Variants in PRKAR1A observed in about 807,000 individuals in gnomAD.
PRKAR1A encodes the protein cAMP-dependent protein kinase type I-alpha regulatory subunit.
Under a neutral mutation model 52.0 loss-of-function variants are expected in PRKAR1A, and 3 were observed. That is an observed-to-expected ratio of 0.06 (90% CI 0.03 to 0.15). The LOEUF is 0.15. PRKAR1A is among the 10% of genes least tolerant of loss of function. The pLI is 1.00. For synonymous variants in PRKAR1A, 188 were observed against 168.4 expected (o/e 1.12, Z -0.90); for missense variants, 240 against 477.4 (o/e 0.50, Z 4.63).
the PRKAR1A span, among the ~76,000 whole-genome samples, chr17:68,486,386 CTCTTTCTTTCTTTCTT>C: frequency 3.8e-4 from 51 of 135,596 alleles, no homozygotes; most frequent in South Asian, 4.5e-3. Context: ...TTCTTTCTTT[CTCTTTCTTTCTTTCTT>C]TCTTTCTTTC....
chr17:68,523,276 A>G (rs922512056), intron 3 of PRKAR1A, among the ~76,000 whole-genome samples: 1 of 152,042 alleles, frequency 6.6e-6, no homozygotes, highest in Non-Finnish European at 1.5e-5. Context: ...TACGAGCCTC[A>G]TTTGTCCTGT....
the PRKAR1A span, among the ~76,000 whole-genome samples, chr17:68,504,879 C>T: frequency 1.3e-5 from 2 of 152,162 alleles, no homozygotes; most frequent in Non-Finnish European, 2.9e-5. Context: ...CCCAGTTACC[C>T]TGATGTGATT....
the PRKAR1A span, among the ~76,000 whole-genome samples, chr17:68,453,251 A>G: frequency 1.3e-5 from 2 of 152,204 alleles, no homozygotes; most frequent in Non-Finnish European, 2.9e-5. Flanking sequence ...GAGCTCTGTC[A>G]TCCAACAAAA....
At chr17:68,417,651 T>G in the PRKAR1A span, among the ~76,000 whole-genome samples, 2 of 151,912 alleles carry the variant, frequency 1.3e-5, no homozygotes, top group Non-Finnish European at 2.9e-5. Flanking sequence ...TGTTTCTATT[T>G]GCTTGTCTGT....
intron 8 of PRKAR1A, chr17:68,528,584 G>C (rs1365959961): frequency 2.5e-6 from 1 of 399,490 alleles, no homozygotes; most frequent in African/African-American, 2.0e-5. Flanking sequence ...CAATCTTCAG[G>C]AATACTTAAG....
chr17:68,487,066 A>T, the PRKAR1A span, among the ~76,000 whole-genome samples: 1 of 151,668 alleles, frequency 6.6e-6, no homozygotes, highest in African/African-American at 2.4e-5. Context: ...TAGAGATGGG[A>T]TTTCACCATG....
At chr17:68,545,627 T>C (rs2086517619) in intron 11 of PRKAR1A, among the ~76,000 whole-genome samples, 1 of 152,174 alleles carries the variant, frequency 6.6e-6, no homozygotes, top group African/African-American at 2.4e-5. Flanking sequence ...AATAAGACAA[T>C]AATGAAGTTT....
At chr17:68,419,650 G>A in the PRKAR1A span, among the ~76,000 whole-genome samples, 2 of 152,186 alleles carry the variant, frequency 1.3e-5, no homozygotes, top group South Asian at 2.1e-4. Context: ...CTGAAGGCGA[G>A]TTCAAGGAGA....
At chr17:68,483,039 T>G in the PRKAR1A span, among the ~76,000 whole-genome samples, 2 of 152,178 alleles carry the variant, frequency 1.3e-5, no homozygotes, top group African/African-American at 4.8e-5. Context: ...TTGGCTAACT[T>G]AAAGTCAGAA....
chr17:68,435,707 T>A, the PRKAR1A span: 1 of 1,614,200 alleles, frequency 6.2e-7, no homozygotes, highest in Non-Finnish European at 8.5e-7. Context: ...TAGTGCAGAC[T>A]GTTTTCTGTT....
At chr17:68,506,323 G>A in the PRKAR1A span, among the ~76,000 whole-genome samples, 1 of 152,030 alleles carries the variant, frequency 6.6e-6, no homozygotes, top group Non-Finnish European at 1.5e-5. Context: ...GGACTAACTG[G>A]GTACCATTAT....
chr17:68,550,067 A>T lies in PRKAR1A; in HGVS notation c.974-1017A>T, dbSNP rs116320419. 5.2e-3 allele frequency among the ~76,000 whole-genome samples: 798 copies of T among 152,248 alleles called. 6 individuals carry two copies. Among genetic ancestry groups the T allele is most frequent in the African/African-American group, 0.018 (733 of 41,546 alleles). On this transcript the variant is annotated intron_variant, in intron 11 of 11. Coordinates refer to the PRKAR1A transcript ENST00000585981. Reference sequence around the variant, plus strand: ...TTACTGCCTAGTGTAACCGGTTACAACGGGTTGATGGTGGTGATGGGGGAG... The same window carrying T: ...TTACTGCCTAGTGTAACCGGTTACATCGGGTTGATGGTGGTGATGGGGGAG...
At chr17:68,435,503 A>G in the PRKAR1A span, 1 of 971,178 alleles carries the variant, frequency 1.0e-6, no homozygotes, top group Non-Finnish European at 1.6e-6. Flanking sequence ...ACAAATTCTG[A>G]GTGGGCCCAG....
chr17:68,452,801 A>C, the PRKAR1A span: 1 of 933,528 alleles, frequency 1.1e-6, no homozygotes, highest in Non-Finnish European at 1.6e-6. Flanking sequence ...CCTAAGTTTG[A>C]TGGCTAAGGA....
intron 2 of PRKAR1A, among the ~76,000 whole-genome samples, chr17:68,520,802 G>GT (rs770310684): frequency 2.0e-5 from 3 of 152,162 alleles, no homozygotes; most frequent in Non-Finnish European, 4.4e-5. Flanking sequence ...TAAAAATTCA[G>GT]TGAAGTAGAA....
Position 68,532,502 on chromosome 17 carries a change from G to T in PRKAR1A, c.*2053G>T, listed in dbSNP as rs555617786. 4.1e-5 allele frequency: 44 copies of T among 1,062,034 alleles called. No homozygotes were observed. The South Asian group carries it at 1.8e-3, about 44-fold the overall frequency. The allele number at this position is 1,062,034 out of a possible 1,614,324, so 65.8% of individuals were successfully genotyped here. On this transcript the variant is annotated 3_prime_UTR_variant, in exon 11 of 11. Coordinates refer to ENST00000589228, the MANE Select transcript of PRKAR1A (RefSeq NM_002734.5). ...TGATCACATCTAAAGCTTTATCTTT[G>T]TGTAATCTAAGTATATGTGAGAAAT... is the stretch of plus-strand genomic sequence containing the variant.
At chr17:68,467,424 T>C in the PRKAR1A span, among the ~76,000 whole-genome samples, 2 of 152,188 alleles carry the variant, frequency 1.3e-5, no homozygotes, top group Non-Finnish European at 2.9e-5. Context: ...CCAACACTTG[T>C]TATTTTCTGT....
chr17:68,535,522 C>T (rs2086074460), downstream of PRKAR1A: 1 of 453,858 alleles, frequency 2.2e-6, no homozygotes, highest in Non-Finnish European at 4.4e-6. Context: ...TGTGTGATCT[C>T]CTGGTTCTTC....
At chr17:68,460,954 T>A in the PRKAR1A span, among the ~76,000 whole-genome samples, 1 of 152,212 alleles carries the variant, frequency 6.6e-6, no homozygotes, top group Admixed American at 6.5e-5. Context: ...CTGGTTTTTC[T>A]TTTTTAACAT....
Sources: allele counts gnomAD v4.1 joint callset (sites outside exome capture counted in the v4.1 genomes callset), GRCh38; gene constraint gnomAD v4.1.1; transcripts MANE v1.5; gene names NCBI Gene and HGNC (gene_info 2026-07-23, HGNC 2026-07-21).